ANKMY1: variants seen among roughly 807,000 people sequenced by gnomAD.
The protein encoded by ANKMY1 is ankyrin repeat and MYND domain containing 1.
In ANKMY1, 98 loss-of-function variants were observed where a neutral mutation model predicts 102.0. The ratio of observed to expected loss-of-function variants is 0.96; its 90% confidence interval spans 0.82 to 1.14. ANKMY1 has a LOEUF of 1.14. ANKMY1 is among the 50% of genes most tolerant of loss of function. The probability of loss-of-function intolerance (pLI) is 0.00; values close to 1 mark genes in which losing one functional copy is unlikely to be tolerated. For synonymous variants in ANKMY1, 582 were observed against 559.9 expected (o/e 1.04, Z -0.56); for missense variants, 1,330 against 1,347.6 (o/e 0.99, Z 0.20).
intron 1 of ANKMY1, 41 bp from the exon 2 acceptor site, chr2:240,557,393 CCCGCCGCGAACTCAGAGGGCGCCCGAG>C (rs2092478284): frequency 1.4e-6 from 2 of 1,414,282 alleles, no homozygotes; most frequent in Middle Eastern, 1.9e-4. Flanking sequence ...CCCCAGGGCT[CCCGCCGCGAACTCAGAGGGCGCCCGAG>C]GCCCGGCCCG....
chr2:240,539,530 T>C (rs1019671807), intron 4 of ANKMY1, among the ~76,000 whole-genome samples: 11 of 152,322 alleles, frequency 7.2e-5, no homozygotes, highest in African/African-American at 2.4e-4. Flanking sequence ...GGCTTCATTC[T>C]TGAAGTCAGT....
At chr2:240,561,024 T>TGCACCGCGTACCTCATGCG (rs758876457), upstream of ANKMY1, 24 of 1,536,038 alleles carry the variant, frequency 1.6e-5, no homozygotes, top group East Asian at 2.4e-5. Context: ...GGCCGCCGTC[T>TGCACCGCGTACCTCATGCG]GCACCGCGTA....
chr2:240,484,657 A>G (rs547709410), intron 15 of ANKMY1, among the ~76,000 whole-genome samples: 6 of 152,216 alleles, frequency 3.9e-5, no homozygotes, highest in Non-Finnish European at 5.9e-5. Flanking sequence ...AGACTTCATG[A>G]CTAAAACACC....
chr2:240,468,800 G>T, the ANKMY1 span, among the ~76,000 whole-genome samples: 1 of 152,192 alleles, frequency 6.6e-6, no homozygotes, highest in African/African-American at 2.4e-5. Context: ...GGGTGGGTGG[G>T]CACCCCAGGA....
At chr2:240,509,512 A>G in intron 11 of ANKMY1, 57 bp from the exon 12 acceptor site, 1 of 1,190,424 alleles carries the variant, frequency 8.4e-7, no homozygotes. Context: ...GCAGCACCTG[A>G]TGGTAGTCAT....
At chr2:240,524,406 C>A in intron 7 of ANKMY1, 25 bp from the exon 8 acceptor site, 1 of 1,574,138 alleles carries the variant, frequency 6.4e-7, no homozygotes, top group Non-Finnish European at 8.6e-7. Flanking sequence ...AAAAAAGTGT[C>A]ATTAGAATAA....
chr2:240,545,050 G>A (rs1220070123), intron 4 of ANKMY1, among the ~76,000 whole-genome samples: 1 of 152,226 alleles, frequency 6.6e-6, no homozygotes, highest in African/African-American at 2.4e-5. Context: ...TCCACCTCTG[G>A]GGGCAGGGCA....
At position 240,520,114 on chromosome 2, in the gene ANKMY1, G is replaced by GA. The variant is rs749752742; in HGVS notation, c.2004+247dup. On this transcript the variant is annotated intron_variant, in intron 9 of 17. Coordinates refer to ENST00000401804, the MANE Select transcript of ANKMY1 (RefSeq NM_001282771.3). This position sits in a 1 kb window ranked among gnomAD's most constrained non-coding sequence, Gnocchi z 4.8. ...TCCCCTTAGTTTGCTTCAACACTGG[G>GA]AAAAAAATCACACGGATCGTGAAGT... The GA allele has an allele frequency of 3.8e-5, 27 of 716,204 alleles. No individual in the cohort carries two copies. Among genetic ancestry groups the GA allele is most frequent in the Middle Eastern group, 2.3e-4 (1 of 4,322 alleles). The allele number at this position is 716,204 out of a possible 1,614,324, so 44.4% of individuals were successfully genotyped here.
chr2:240,544,976 G>T (rs1036959598), intron 4 of ANKMY1, among the ~76,000 whole-genome samples: 2 of 152,250 alleles, frequency 1.3e-5, no homozygotes, highest in Admixed American at 6.5e-5. Context: ...AAACAAAGCA[G>T]CCGGGAAGCT....
chr2:240,525,771 T>TG lies in ANKMY1; in HGVS notation c.1248dup (p.Thr417HisfsTer22). On this transcript the variant is annotated frameshift_variant, in exon 7 of 18. Coordinates refer to ENST00000401804, the MANE Select transcript of ANKMY1 (RefSeq NM_001282771.3). LOFTEE classifies it high-confidence loss of function. ...AGGAGGAAACACATGCTGAGTGCCG[T>TG]GAGACCCTCATCTGAGCACTTGTTC... 6.2e-7 allele frequency: 1 copy of TG among 1,614,086 alleles called. No individual in the cohort carries two copies. The highest frequency in any genetic ancestry group is 1.7e-5 in the Admixed American group (1 of 60,016).
chr2:240,552,778 T>C, intron 4 of ANKMY1, 136 bp downstream of exon 4: 1 of 1,373,652 alleles, frequency 7.3e-7, no homozygotes. Context: ...ATTGGTACCA[T>C]TTTAATCATT....
At chr2:240,494,059 G>T (rs949568799) in intron 15 of ANKMY1, among the ~76,000 whole-genome samples, 7 of 152,162 alleles carry the variant, frequency 4.6e-5, no homozygotes, top group Non-Finnish European at 7.3e-5. Context: ...GGTGGTGGTA[G>T]CAGGGAGGTT....
At chr2:240,528,406 C>T (rs1041181490) in intron 5 of ANKMY1, among the ~76,000 whole-genome samples, 2 of 151,188 alleles carry the variant, frequency 1.3e-5, no homozygotes, top group Non-Finnish European at 2.9e-5. Context: ...CATCTTTTCA[C>T]GCCATCCTTG....
chr2:240,529,513 C>A lies in ANKMY1; in HGVS notation c.481-4G>T. Reference sequence around the variant, plus strand: ...GCTGGTCCGCTTTGTATAGCCCCTGCCAAGGAAGCGCAATAGACCGAGGAG... The same window carrying A: ...GCTGGTCCGCTTTGTATAGCCCCTGACAAGGAAGCGCAATAGACCGAGGAG... On this transcript the variant is annotated splice_region_variant and splice_polypyrimidine_tract_variant and intron_variant, in intron 4 of 17. Transcript: ENST00000401804. This position sits in a 1 kb window ranked among gnomAD's most constrained non-coding sequence, Gnocchi z 4.2. 1 of 1,606,880 alleles carries A rather than the reference C, an allele frequency of 6.2e-7. No individual in the cohort carries two copies. Among genetic ancestry groups the A allele is most frequent in the Non-Finnish European group, 8.5e-7 (1 of 1,176,028 alleles).
intron 9 of ANKMY1, among the ~76,000 whole-genome samples, chr2:240,515,514 G>A (rs970450567): frequency 3.3e-5 from 5 of 151,794 alleles, no homozygotes; most frequent in African/African-American, 4.8e-5. Flanking sequence ...CAGCTTGGGC[G>A]ACAGAGTGAG....
intron 13 of ANKMY1, among the ~76,000 whole-genome samples, chr2:240,505,484 A>G (rs1418472517): frequency 6.6e-6 from 1 of 152,080 alleles, no homozygotes; most frequent in Non-Finnish European, 1.5e-5. Context: ...AATTAAACAT[A>G]GAATGATTAT....
intron 4 of ANKMY1, among the ~76,000 whole-genome samples, chr2:240,531,214 G>C (rs1157671261): frequency 6.6e-6 from 1 of 152,168 alleles, no homozygotes; most frequent in African/African-American, 2.4e-5. Context: ...CATGAGAATG[G>C]CTAAAATAAA....
At chr2:240,528,132 CA>C (rs1212560880) in intron 5 of ANKMY1, among the ~76,000 whole-genome samples, 1 of 152,030 alleles carries the variant, frequency 6.6e-6, no homozygotes, top group Non-Finnish European at 1.5e-5. Context: ...ACTAAAAATA[CA>C]AAAATTAGCT....
At chr2:240,527,843 GTGGGTGGGTGAT>G (rs1436372910) in intron 5 of ANKMY1, 4 of 67,760 alleles carry the variant, frequency 5.9e-5, no homozygotes, top group Non-Finnish European at 1.3e-4. Context: ...TGGATGGTAG[GTGGGTGGGTGAT>G]TGGGTGGGTG....
Sources: allele counts gnomAD v4.1 joint callset (sites outside exome capture counted in the v4.1 genomes callset), GRCh38; gene constraint gnomAD v4.1.1; non-coding constraint Gnocchi (gnomAD v3.1); transcripts MANE v1.5; gene names NCBI Gene and HGNC (gene_info 2026-07-23, HGNC 2026-07-21).